The following ZC3H12B variants were observed in gnomAD, a reference collection of about 807,000 sequenced individuals.
The protein encoded by ZC3H12B is zinc finger CCCH-type containing 12B.
ZC3H12B carries 7 observed loss-of-function variants against 43.9 expected under a neutral mutation model. That is an observed-to-expected ratio of 0.16 (90% confidence interval 0.09 to 0.30). The LOEUF is 0.30. Among genes scored for constraint, ZC3H12B ranks in the 10% least tolerant of loss-of-function variants. The probability of loss-of-function intolerance (pLI) is 1.00; values close to 1 mark genes in which losing one functional copy is unlikely to be tolerated. For synonymous variants in ZC3H12B, 222 were observed against 241.7 expected, an observed-to-expected ratio of 0.92 and a Z score of 0.76; for missense variants, 475 against 670.2, an observed-to-expected ratio of 0.71 and a Z score of 3.22.
upstream of ZC3H12B, chrX:65,366,523 G>A (rs1162729164): frequency 8.9e-6 from 1 of 112,276 alleles, no homozygotes; most frequent in African/African-American, 3.2e-5. Flanking sequence ...AGCTAGCAAA[G>A]GCTAATATTC....
At chrX:65,254,629 C>G in the ZC3H12B span, among the ~76,000 whole-genome samples, 1 of 111,843 alleles carries the variant, frequency 8.9e-6, no homozygotes. Flanking sequence ...GCACAAGAAC[C>G]CTAGTAACTC....
intron 2 of ZC3H12B, among the ~76,000 whole-genome samples, chrX:65,381,461 G>C (rs1017334780): frequency 9.0e-6 from 1 of 110,578 alleles, no homozygotes; most frequent in African/African-American, 3.3e-5. Context: ...GCAGTGTGTA[G>C]AGGGAAATTT....
At chrX:65,120,026 A>G in the ZC3H12B span, among the ~76,000 whole-genome samples, 2 of 111,949 alleles carry the variant, frequency 1.8e-5, no homozygotes, top group Non-Finnish European at 3.8e-5. Flanking sequence ...TGGTACCAGT[A>G]CCATGCTGTT....
intron 3 of ZC3H12B, among the ~76,000 whole-genome samples, chrX:65,473,455 A>G (rs1258904570): frequency 8.9e-6 from 1 of 112,134 alleles, no homozygotes; most frequent in Non-Finnish European, 1.9e-5. Context: ...ATGTCAATGG[A>G]TTTTGATAGA....
the ZC3H12B span, among the ~76,000 whole-genome samples, chrX:65,209,565 C>A: frequency 8.5e-5 from 9 of 105,281 alleles, no homozygotes; most frequent in East Asian, 9.1e-4. Flanking sequence ...AATTTCTGTT[C>A]TTTTACATTT....
intron 3 of ZC3H12B, among the ~76,000 whole-genome samples, chrX:65,403,955 G>A (rs2066793178): frequency 8.9e-6 from 1 of 112,175 alleles, no homozygotes; most frequent in African/African-American, 3.2e-5. Flanking sequence ...TACTGCAACT[G>A]TGATATGTAA....
the ZC3H12B span, chrX:65,271,335 T>C: frequency 8.9e-6 from 1 of 112,941 alleles, no homozygotes; most frequent in Non-Finnish European, 1.9e-5. Flanking sequence ...CATATGGAAG[T>C]AAATGACAAA....
intron 3 of ZC3H12B, among the ~76,000 whole-genome samples, chrX:65,437,191 A>G (rs1417798218): frequency 9.0e-6 from 1 of 110,908 alleles, no homozygotes; most frequent in Non-Finnish European, 1.9e-5. Flanking sequence ...ACCTATAGTG[A>G]TCCACCGGCC....
the ZC3H12B span, among the ~76,000 whole-genome samples, chrX:65,045,390 T>C: frequency 8.9e-6 from 1 of 112,282 alleles, no homozygotes; most frequent in East Asian, 2.8e-4. Context: ...TTATGTAATA[T>C]TCTTAATTCT....
chrX:65,126,049 G>GTTTT, the ZC3H12B span, among the ~76,000 whole-genome samples: 1 of 94,673 alleles, frequency 1.1e-5, no homozygotes, highest in African/African-American at 3.8e-5. Flanking sequence ...TTGTGTGTGT[G>GTTTT]TTTTTTTTTT....
the ZC3H12B span, among the ~76,000 whole-genome samples, chrX:65,069,162 C>CT: frequency 3.7e-5 from 4 of 108,102 alleles, no homozygotes; most frequent in Non-Finnish European, 5.7e-5. Context: ...ATAACAATAT[C>CT]TTTTTTTTAG....
the ZC3H12B span, among the ~76,000 whole-genome samples, chrX:65,198,703 G>C: frequency 8.9e-6 from 1 of 111,835 alleles, no homozygotes; most frequent in East Asian, 2.8e-4. Context: ...TTTGCTTGCT[G>C]TTCTATAACC....
At chrX:65,397,187 G>A (rs1325357585) in intron 2 of ZC3H12B, among the ~76,000 whole-genome samples, 1 of 111,727 alleles carries the variant, frequency 9.0e-6, no homozygotes. Context: ...TGGGCATTTA[G>A]CCCATTTACA....
the ZC3H12B span, among the ~76,000 whole-genome samples, chrX:65,216,351 G>A: frequency 1.8e-5 from 2 of 111,137 alleles, no homozygotes; most frequent in Non-Finnish European, 3.8e-5. Flanking sequence ...CTTCACACTG[G>A]AACTCAGCAT....
At chrX:65,151,658 G>T in the ZC3H12B span, among the ~76,000 whole-genome samples, 1 of 111,481 alleles carries the variant, frequency 9.0e-6, no homozygotes, top group African/African-American at 3.3e-5. Context: ...GAATACAAAC[G>T]AGGGACTTGT....
At chrX:65,156,653 T>A in the ZC3H12B span, among the ~76,000 whole-genome samples, 1 of 111,074 alleles carries the variant, frequency 9.0e-6, no homozygotes, top group Admixed American at 9.6e-5. Flanking sequence ...AGTGCTGGGA[T>A]TACAGGCATG....
the ZC3H12B span, among the ~76,000 whole-genome samples, chrX:65,305,776 T>C: frequency 1.8e-5 from 2 of 112,025 alleles, no homozygotes; most frequent in Admixed American, 1.9e-4. Flanking sequence ...AATAAATGGG[T>C]GATATCGCTC....
chrX:65,451,639 C>G (rs1038137182), intron 3 of ZC3H12B, among the ~76,000 whole-genome samples: 1 of 111,765 alleles, frequency 8.9e-6, no homozygotes, highest in African/African-American at 3.3e-5. Context: ...TGTGCTCAGC[C>G]TTTTGTTGTC....
At chrX:65,432,864 C>T (rs2067179723) in intron 3 of ZC3H12B, among the ~76,000 whole-genome samples, 1 of 111,874 alleles carries the variant, frequency 8.9e-6, no homozygotes. Flanking sequence ...CTTTTTGCTC[C>T]TATGTCCAAT....
Sources: gnomAD v4.1 joint callset for allele counts (sites outside exome capture counted in the v4.1 genomes callset) on GRCh38, gnomAD v4.1.1 for gene constraint, MANE v1.5 for transcripts, NCBI Gene and HGNC (gene_info 2026-07-23, HGNC 2026-07-21) for gene names.